The following EVC variants were observed in gnomAD, a reference collection of about 807,000 sequenced individuals.
The protein encoded by EVC is evC complex member EVC.
A neutral mutation model predicts 118.9 loss-of-function variants in EVC; 116 were observed. The ratio of observed to expected loss-of-function variants is 0.98; its 90% CI spans 0.84 to 1.14. The LOEUF is 1.14. EVC is among the 50% of genes most tolerant of loss of function. The pLI, the probability that EVC is intolerant of heterozygous loss-of-function variation, is 0.00. For synonymous variants in EVC, 619 were observed against 534.7 expected (o/e 1.16, Z -2.18); for missense variants, 1,401 against 1,246.4 (o/e 1.12, Z -1.87).
chr4:5,808,416 A>G, intron 18 of EVC, 89 bp downstream of exon 18: 5 of 1,585,072 alleles, frequency 3.2e-6, no homozygotes, highest in East Asian at 2.3e-5. Flanking sequence ...CACGTCAGCC[A>G]TGGGGACTGC....
rs184833100 is a variant in EVC at position 5,740,704 on chromosome 4, A to G, written c.703-1012A>G. Among the ~76,000 whole-genome samples, 286 of 152,354 alleles carry G rather than the reference A, an allele frequency of 1.9e-3. 1 individual carries two copies. The highest frequency in any genetic ancestry group is 6.4e-3 in the African/African-American group (265 of 41,594). ...CAAAACAGATGTCCACCAAAGGACT[A>G]GTACCTAGACCAGATAAGGAAATTT... is the stretch of plus-strand genomic sequence containing the variant. On this transcript the variant is annotated intron_variant, in intron 5 of 20. Transcript: ENST00000264956.
chr4:5,802,235 G>A, intron 16 of EVC, 141 bp downstream of exon 16: 1 of 1,260,790 alleles, frequency 7.9e-7, no homozygotes, highest in Non-Finnish European at 1.1e-6. Context: ...TTTATCCCGT[G>A]CTTTGTCTCA....
At chr4:5,772,889 C>T (rs1449498667) in intron 11 of EVC, among the ~76,000 whole-genome samples, 2 of 152,170 alleles carry the variant, frequency 1.3e-5, no homozygotes, top group African/African-American at 4.8e-5. Context: ...CATTCTTGCT[C>T]TTTGAGTCTC....
At chr4:5,724,752 T>C (rs959063039) in intron 2 of EVC, among the ~76,000 whole-genome samples, 4 of 151,990 alleles carry the variant, frequency 2.6e-5, no homozygotes, top group African/African-American at 9.7e-5. Flanking sequence ...TATTTTAAGT[T>C]CTGGGGTACA....
intron 11 of EVC, among the ~76,000 whole-genome samples, chr4:5,771,908 A>G (rs1040093103): frequency 7.9e-5 from 12 of 151,562 alleles, no homozygotes; most frequent in Middle Eastern, 3.4e-3. Flanking sequence ...TATTATTATT[A>G]TTATTATTTT....
chr4:5,770,178 G>A (rs1485343685), intron 11 of EVC, among the ~76,000 whole-genome samples: 2 of 152,090 alleles, frequency 1.3e-5, no homozygotes, highest in East Asian at 3.9e-4. Context: ...ACCAAGCAGG[G>A]AAGCTTGCCC....
chr4:5,733,133 G>A lies in EVC; in HGVS notation c.618-218G>A, dbSNP rs144853909. On this transcript the variant is annotated intron_variant, in intron 4 of 20. Coordinates refer to ENST00000264956, the MANE Select transcript of EVC (RefSeq NM_153717.3). ...GGAAGTCCCAGGCACCTATGTCTCT[G>A]ACACCAACTGTTCTCTTATGGCCAT... Among the ~76,000 whole-genome samples the A allele has an allele frequency of 1.1e-3, 174 of 152,146 alleles. 1 individual carries two copies. The highest frequency in any genetic ancestry group is 3.7e-3 in the African/African-American group (155 of 41,508).
At chr4:5,718,522 A>G (rs892139504) in intron 1 of EVC, among the ~76,000 whole-genome samples, 3 of 152,016 alleles carry the variant, frequency 2.0e-5, no homozygotes, top group African/African-American at 7.3e-5. Context: ...GAAATGCAAA[A>G]ACTGTGCTAC....
At position 5,758,116 on chromosome 4, in the gene EVC, G is replaced by A. The variant is rs115269936; in HGVS notation, c.1563+1754G>A. The stretch of plus-strand genomic sequence containing the variant: ...GAAGACATAGAGACACAGGGAAGGA[G>A]GCTGTTTGAAGACAGAAGGAGGGAC... On this transcript the variant is annotated intron_variant, in intron 11 of 20. Coordinates refer to ENST00000264956, the MANE Select transcript of EVC (RefSeq NM_153717.3). 5.3e-3 allele frequency: 3,691 copies of A among 702,350 alleles called. 109 individuals are homozygous for A. In the African/African-American group the frequency reaches 0.057, roughly 11 times the overall value. The allele number at this position is 702,350 out of a possible 1,614,324, so 43.5% of individuals were successfully genotyped here. A position where few individuals can be genotyped will look rare whatever the true frequency, so the allele number is the denominator to read the frequency against.
the EVC span, chr4:5,824,324 A>C: frequency 1.0e-6 from 1 of 985,402 alleles, no homozygotes. Flanking sequence ...TTTGTGCAAA[A>C]ATATGAAACA....
At chr4:5,821,734 A>G in the EVC span, 1 of 1,577,230 alleles carries the variant, frequency 6.3e-7, no homozygotes, top group Non-Finnish European at 8.6e-7. This position sits in a 1 kb window ranked among gnomAD's most constrained non-coding sequence, Gnocchi z 4.4. Context: ...AGAATCCTTC[A>G]GGCTAGCTCC....
chr4:5,725,726 G>T (rs746468936), intron 2 of EVC, among the ~76,000 whole-genome samples: 1 of 151,962 alleles, frequency 6.6e-6, no homozygotes, highest in Non-Finnish European at 1.5e-5. Flanking sequence ...TAATTAGATC[G>T]CATTTGTCAG....
rs1056764870 is a variant in EVC, at chr4:5,783,500, C to T, written c.1564-52C>T. 275 of 1,576,226 alleles carry T rather than the reference C, an allele frequency of 1.7e-4. No homozygotes were observed. In the Middle Eastern group the frequency reaches 1.9e-3, roughly 11 times the overall value. Reference sequence around the variant, plus strand: ...GAGAGGCAGAGAGCAGCTCAGGCCCCACACAGGGTCCTGCCGTGACCTGTA... The same window carrying T: ...GAGAGGCAGAGAGCAGCTCAGGCCCTACACAGGGTCCTGCCGTGACCTGTA... On this transcript the variant is annotated intron_variant, in intron 11 of 20. Coordinates refer to ENST00000264956, the MANE Select transcript of EVC (RefSeq NM_153717.3).
Position 5,812,651 on chromosome 4 carries a change from T to A in EVC, c.*1614T>A, listed in dbSNP as rs1717106286. On this transcript the variant is annotated 3_prime_UTR_variant, in exon 21 of 21. Transcript: ENST00000264956. ...AGGCCGTTCCCACCTGGAGGGAAAA[T>A]TGCTCCTTTGATGGAGGTTAGGGAC... 2 of 169,088 alleles carry A rather than the reference T, an allele frequency of 1.2e-5. No homozygotes were observed. The highest frequency in any genetic ancestry group is 2.8e-4 in the South Asian group (2 of 7,102). The allele number at this position is 169,088 out of a possible 1,614,324, so 10.5% of individuals were successfully genotyped here.
rs375476956 is a variant in EVC at position 5,729,095 on chromosome 4, C to CCCAT, written c.301-202_301-199dup. On this transcript the variant is annotated intron_variant, in intron 2 of 20. Transcript: ENST00000264956. ...ATCTGCCCACCCACCCATTCATTCA[C>CCCAT]CCATCCATCCATCTATCCATCCATC... Among the ~76,000 whole-genome samples the CCCAT allele has an allele frequency of 1.5e-3, 231 of 152,118 alleles. 2 individuals are homozygous for CCCAT. Among genetic ancestry groups the CCCAT allele is most frequent in the African/African-American group, 5.2e-3 (214 of 41,516 alleles).
At chr4:5,808,141 CCCT>C in intron 17 of EVC, 57 bp from the exon 18 acceptor site, 8 of 369,204 alleles carry the variant, frequency 2.2e-5, no homozygotes, top group Admixed American at 1.3e-4. Flanking sequence ...CTCCCTCCCT[CCCT>C]CCCTCCCTCC....
At chr4:5,766,431 C>A (rs1470777580) in intron 11 of EVC, among the ~76,000 whole-genome samples, 1 of 131,350 alleles carries the variant, frequency 7.6e-6, no homozygotes, top group Non-Finnish European at 1.6e-5. Flanking sequence ...TCTGTATTTC[C>A]TGAATCTGAA....
chr4:5,788,623 C>T (rs1459964800), intron 12 of EVC, among the ~76,000 whole-genome samples: 1 of 152,240 alleles, frequency 6.6e-6, no homozygotes, highest in African/African-American at 2.4e-5. Context: ...ACTCCTCTTT[C>T]TTTCACACCC....
Position 5,756,408 on chromosome 4 carries a change from G to C in EVC, c.1563+46G>C, listed in dbSNP as rs1560348626. ...CCAGCAGAGAAGCCCCAGGGTCTGT[G>C]TGTGTGCGAGAACCTCACATCCTCC... On this transcript the variant is annotated intron_variant, in intron 11 of 20. Transcript: ENST00000264956. This position sits in a 1 kb window ranked among gnomAD's most constrained non-coding sequence, Gnocchi z 4.2. The C allele has an allele frequency of 6.6e-7, 1 of 1,507,962 alleles. No individual in the cohort carries two copies. The highest frequency in any genetic ancestry group is 9.1e-7 in the Non-Finnish European group (1 of 1,099,846). The allele number at this position is 1,507,962 out of a possible 1,614,324, so 93.4% of individuals were successfully genotyped here.
Sources: gnomAD v4.1 joint callset for allele counts (sites outside exome capture counted in the v4.1 genomes callset) on GRCh38, gnomAD v4.1.1 for gene constraint, Gnocchi (gnomAD v3.1) non-coding constraint, MANE v1.5 for transcripts, NCBI Gene and HGNC (gene_info 2026-07-23, HGNC 2026-07-21) for gene names.